ITGB1: variants seen among roughly 807,000 people sequenced by gnomAD.
ITGB1 encodes integrin subunit beta 1, also known as integrin beta-1.
Under a neutral mutation model 86.5 loss-of-function variants are expected in ITGB1, and 24 were observed. That is an observed-to-expected ratio of 0.28 (90% CI 0.20 to 0.39). ITGB1 has a LOEUF of 0.39. Ranked by LOEUF, ITGB1 falls within the 10% of genes least tolerant of loss-of-function variation. The pLI, the probability that ITGB1 is intolerant of heterozygous loss-of-function variation, is 1.00. For missense variants in ITGB1, 556 were observed against 946.9 expected, an observed-to-expected ratio of 0.59 and a Z score of 5.42; for synonymous variants, 323 against 316.8, an observed-to-expected ratio of 1.02 and a Z score of -0.21.
At chr10:32,952,169 T>C (rs2095043920) in intron 1 of ITGB1, among the ~76,000 whole-genome samples, 1 of 152,134 alleles carries the variant, frequency 6.6e-6, no homozygotes, top group Non-Finnish European at 1.5e-5. Context: ...GTTGGAAAGA[T>C]AAAATATGAT....
intron 1 of ITGB1, among the ~76,000 whole-genome samples, chr10:32,941,449 G>A (rs1180830621): frequency 1.3e-5 from 2 of 152,160 alleles, no homozygotes; most frequent in Non-Finnish European, 2.9e-5. Context: ...GAATCTTGAA[G>A]TATTTCTGAG....
rs148180609 is a variant in ITGB1, at chr10:32,924,680, C to A, written c.787-940G>T. Reference sequence around the variant, plus strand: ...TGCCCTCCCCACAACGAGCTGCTAACAGGCTCACACATCAATGGCTAGTAA... The same window carrying A: ...TGCCCTCCCCACAACGAGCTGCTAAAAGGCTCACACATCAATGGCTAGTAA... On this transcript the variant is annotated intron_variant, in intron 6 of 15. Transcript: ENST00000302278. 6.6e-3 allele frequency among the ~76,000 whole-genome samples: 1,000 copies of A among 152,304 alleles called. 10 individuals are homozygous for A. Among genetic ancestry groups the A allele is most frequent in the African/African-American group, 0.023 (951 of 41,566 alleles).
At chr10:32,945,547 T>C (rs573033552) in intron 1 of ITGB1, among the ~76,000 whole-genome samples, 73 of 151,858 alleles carry the variant, frequency 4.8e-4, no homozygotes, top group African/African-American at 1.7e-3. Flanking sequence ...TGCAGTGAGC[T>C]GAGATCACGC....
chr10:32,914,860 A>G lies in ITGB1; in HGVS notation c.1470-2736T>C, dbSNP rs939729584. On this transcript the variant is annotated intron_variant, in intron 11 of 15. Transcript: ENST00000302278. ...TCTCCATCCCAAAACAACAGAATAT[A>G]CATTCTTCTCAGCCCCACACCGCAC... Among the ~76,000 whole-genome samples, 5 of 152,180 alleles carry G rather than the reference A, an allele frequency of 3.3e-5. No individual in the cohort carries two copies. In the East Asian group the frequency reaches 9.6e-4, roughly 29 times the overall value.
rs199958656 is a variant in ITGB1 at position 32,911,655 on chromosome 10, T to C, written c.1724A>G (p.Lys575Arg). The change falls in exon 13 of 16, where the codon AAG (lysine) becomes AGG (arginine). Residue 575 changes from lysine to arginine, a missense_variant. Lys to Arg is a conservative substitution (Grantham distance 26, BLOSUM62 2). Transcript: ENST00000302278. ...GGGGTTGCACTCACACACACGACAC[T>C]TGCAAACACCATTTCCTGCAATTAA... The part of the protein sequence containing the change: ...GLICGGNGVC[K>R]CRVCECNPNY... 87 of 1,613,978 alleles carry C rather than the reference T, an allele frequency of 5.4e-5. No individual in the cohort carries two copies. The highest frequency in any genetic ancestry group is 6.9e-5 in the Non-Finnish European group (82 of 1,179,950).
At chr10:32,928,052 A>G in intron 5 of ITGB1, 42 bp downstream of exon 5, 1 of 1,160,122 alleles carries the variant, frequency 8.6e-7, no homozygotes, top group South Asian at 1.5e-5. Flanking sequence ...AGAATTGCCA[A>G]GACTTTATAA....
chr10:32,923,433 G>C (rs901774240), intron 7 of ITGB1, 152 bp downstream of exon 7: 3 of 542,800 alleles, frequency 5.5e-6, no homozygotes, highest in Non-Finnish European at 9.4e-6. Context: ...AGCAACACTA[G>C]CTTTCCTGCA....
At chr10:32,906,995 G>T in intron 15 of ITGB1, 1 of 701,062 alleles carries the variant, frequency 1.4e-6, no homozygotes, top group Non-Finnish European at 2.3e-6. Context: ...TAGTGATAAA[G>T]GACACACAGT....
chr10:32,934,674 T>C (rs2094995078), intron 2 of ITGB1, among the ~76,000 whole-genome samples: 1 of 152,240 alleles, frequency 6.6e-6, no homozygotes, highest in Non-Finnish European at 1.5e-5. Flanking sequence ...TGTTTCATAT[T>C]TTTACTAACC....
chr10:32,946,287 A>T (rs985479749), intron 1 of ITGB1, among the ~76,000 whole-genome samples: 1 of 152,254 alleles, frequency 6.6e-6, no homozygotes, highest in Admixed American at 6.5e-5. Flanking sequence ...CCCTTGGCAT[A>T]AATAGCAATC....
At chr10:32,920,444 A>G (rs1309610108) in intron 9 of ITGB1, 59 bp from the exon 10 acceptor site, 7 of 1,479,498 alleles carry the variant, frequency 4.7e-6, no homozygotes, top group African/African-American at 2.8e-5. Context: ...TTGAATGCAT[A>G]AAACCAATGG....
chr10:32,912,453 C>T (rs1422488868), intron 11 of ITGB1, among the ~76,000 whole-genome samples: 1 of 152,210 alleles, frequency 6.6e-6, no homozygotes, highest in East Asian at 1.9e-4. Flanking sequence ...TAATACTGCG[C>T]TTTTCCAATG....
intron 11 of ITGB1, among the ~76,000 whole-genome samples, chr10:32,916,800 C>T (rs61291714): frequency 0.072 from 10,913 of 152,248 alleles, 585 homozygotes; most frequent in South Asian, 0.25. Context: ...CCATCCCCAT[C>T]AAGCTACCAA....
intron 1 of ITGB1, among the ~76,000 whole-genome samples, chr10:32,945,254 G>A (rs901211271): frequency 6.6e-6 from 1 of 152,068 alleles, no homozygotes; most frequent in Non-Finnish European, 1.5e-5. Flanking sequence ...TTTAAAACAC[G>A]TTAGAGCAAA....
rs1017011372 is a variant in ITGB1 at position 32,923,292 on chromosome 10, T to G, written c.942+293A>C. The stretch of plus-strand genomic sequence containing the variant: ...TTATTTATTTAGAAAGAGTACTGAC[T>G]GTGCTACCAAATGCTGTGGGCGGGG... On this transcript the variant is annotated intron_variant, in intron 7 of 15. Transcript: ENST00000302278. 3.9e-5 allele frequency among the ~76,000 whole-genome samples: 6 copies of G among 152,218 alleles called. No homozygotes were observed. In the East Asian group the frequency reaches 1.2e-3, roughly 29 times the overall value.
At chr10:32,946,890 G>T (rs1396648612) in intron 1 of ITGB1, among the ~76,000 whole-genome samples, 3 of 151,408 alleles carry the variant, frequency 2.0e-5, no homozygotes, top group African/African-American at 7.3e-5. Context: ...GATCACCCAG[G>T]CTGGAGTGCA....
At chr10:32,956,957 G>A (rs2095053553) in intron 1 of ITGB1, among the ~76,000 whole-genome samples, 1 of 152,144 alleles carries the variant, frequency 6.6e-6, no homozygotes. Flanking sequence ...CGCGGACTCT[G>A]GAACTAGACC....
chr10:32,943,109 C>T (rs1039439477), intron 1 of ITGB1, among the ~76,000 whole-genome samples: 1 of 152,168 alleles, frequency 6.6e-6, no homozygotes, highest in Non-Finnish European at 1.5e-5. Flanking sequence ...CTCAGAATTA[C>T]TTAATGTGCA....
rs1171320982 is a variant in ITGB1 at position 32,932,611 on chromosome 10, GAAGA to G, written c.68-15_68-12del. 2.7e-6 allele frequency: 4 copies of G among 1,479,060 alleles called. No homozygotes were observed. The highest frequency in any genetic ancestry group is 3.4e-5 in the Admixed American group (2 of 59,592). The allele number at this position is 1,479,060 out of a possible 1,614,324, so 91.6% of individuals were successfully genotyped here. ...AACATCTATTTTCATCTGTCAGAAA[GAAGA>G]AAGAACAGAACATTTTATGTGAAGT... is the stretch of plus-strand genomic sequence containing the variant. On this transcript the variant is annotated splice_polypyrimidine_tract_variant and intron_variant, in intron 2 of 15. Coordinates refer to ENST00000302278, the MANE Select transcript of ITGB1 (RefSeq NM_002211.4).
Sources: allele counts gnomAD v4.1 joint callset (sites outside exome capture counted in the v4.1 genomes callset), GRCh38; gene constraint gnomAD v4.1.1; transcripts MANE v1.5; gene names NCBI Gene and HGNC (gene_info 2026-07-23, HGNC 2026-07-21).